The following NOS1 variants were observed in gnomAD, a reference collection of about 807,000 sequenced individuals.
NOS1 encodes nitric oxide synthase 1.
A neutral mutation model predicts 164.5 loss-of-function variants in NOS1; 51 were observed. The observed-to-expected ratio is 0.31, with a 90% confidence interval of 0.25 to 0.39. The LOEUF (loss-of-function observed/expected upper bound fraction) is 0.39, where lower values mean the gene tolerates loss of function less well. Among genes scored for constraint, NOS1 ranks in the 10% least tolerant of loss-of-function variants. The pLI is 1.00. For synonymous variants in NOS1, 719 were observed against 745.8 expected (o/e 0.96, Z 0.59); for missense variants, 1,362 against 1,885.6 (o/e 0.72, Z 5.14).
chr12:117,222,347 C>T (rs1956720690), intron 26 of NOS1, among the ~76,000 whole-genome samples: 1 of 152,168 alleles, frequency 6.6e-6, no homozygotes, highest in Non-Finnish European at 1.5e-5. Context: ...TCTCTGCCTC[C>T]TGGGTTCAAG....
chr12:117,260,652 G>A (rs1871830246), intron 13 of NOS1, 43 bp from the exon 14 acceptor site: 2 of 1,593,474 alleles, frequency 1.3e-6, no homozygotes, highest in Middle Eastern at 1.7e-4. Context: ...CAACAGAAAA[G>A]GGGAGAGAAG....
intron 9 of NOS1, among the ~76,000 whole-genome samples, chr12:117,276,406 C>T (rs1318033709): frequency 6.6e-6 from 1 of 152,136 alleles, no homozygotes; most frequent in Non-Finnish European, 1.5e-5. Flanking sequence ...CCTCAGCATC[C>T]CAAGTAGCTG....
chr12:117,224,780 AT>A (rs1868504733), intron 25 of NOS1, among the ~76,000 whole-genome samples: 1 of 152,224 alleles, frequency 6.6e-6, no homozygotes, highest in African/African-American at 2.4e-5. Context: ...AAGAGATCAC[AT>A]CTTAACAGTC....
At position 117,212,502 on chromosome 12, in the gene NOS1, T is replaced by TGGGA; in HGVS notation, c.*2803_*2806dup. ...CTCTGCTCTTTCACGACACAAGCTG[T>TGGGA]GGGAACTGGATGCATAGTGATGGCA... is the stretch of plus-strand genomic sequence containing the variant. On this transcript the variant is annotated 3_prime_UTR_variant, in exon 29 of 29. Transcript: ENST00000317775. 1 of 985,416 alleles carries TGGGA rather than the reference T, an allele frequency of 1.0e-6. No individual in the cohort carries two copies. The highest frequency in any genetic ancestry group is 1.2e-6 in the Non-Finnish European group (1 of 829,938). The allele number at this position is 985,416 out of a possible 1,614,324, so 61.0% of individuals were successfully genotyped here.
chr12:117,259,507 G>T (rs1250455632), intron 14 of NOS1, among the ~76,000 whole-genome samples: 1 of 152,076 alleles, frequency 6.6e-6, no homozygotes, highest in African/African-American at 2.4e-5. Flanking sequence ...AGTTAGGCCG[G>T]GAATGATCTG....
rs745334107 is a variant in NOS1, at chr12:117,234,636, C to T, written c.3164G>A (p.Arg1055Gln). The T allele has an allele frequency of 4.3e-5, 70 of 1,614,036 alleles. No individual in the cohort carries two copies. The highest frequency in any genetic ancestry group is 1.6e-4 in the Middle Eastern group (1 of 6,082). Residue 1055 changes from arginine to glutamine, a missense_variant, in exon 21 of 29, where the codon CGG becomes CAG. By Grantham distance (43) the Arg-to-Gln change is conservative. Around this residue, in one of 4 missense-constraint regions of NOS1, gnomAD observed 737 missense variants for 1,030.3 expected, o/e 0.72. Coordinates refer to ENST00000317775, the MANE Select transcript of NOS1 (RefSeq NM_000620.5). The surrounding 1 kb of genome is among the most constrained non-coding windows in gnomAD (Gnocchi z 4.3). Reference sequence around the variant, plus strand: ...GTTGACAGGCGGCGCGTCCTCCAGCCGCTCGATCAGGGCATTCACGAGGTC... The same window carrying T: ...GTTGACAGGCGGCGCGTCCTCCAGCTGCTCGATCAGGGCATTCACGAGGTC... ...HEDLVNALIE[R>Q]LEDAPPVNQM...
chr12:117,296,949 C>A (rs939857695), intron 3 of NOS1, among the ~76,000 whole-genome samples: 1 of 152,190 alleles, frequency 6.6e-6, no homozygotes, highest in Non-Finnish European at 1.5e-5. Flanking sequence ...CATGCTGGCA[C>A]CATGATCTTG....
intron 17 of NOS1, among the ~76,000 whole-genome samples, chr12:117,250,844 T>C (rs777036521): frequency 2.2e-4 from 33 of 152,042 alleles, no homozygotes; most frequent in Admixed American, 3.9e-4. Context: ...CTGGTTAAGG[T>C]GTTGTTTCCT....
At chr12:117,248,582 A>C (rs1870841071) in intron 17 of NOS1, among the ~76,000 whole-genome samples, 2 of 151,226 alleles carry the variant, frequency 1.3e-5, no homozygotes, top group African/African-American at 2.4e-5. Flanking sequence ...ACATTTTCTT[A>C]ATCCAGTCTA....
chr12:117,265,435 A>C lies in NOS1; in HGVS notation c.2017T>G (p.Cys673Gly). The C allele has an allele frequency of 6.3e-7, 1 of 1,591,402 alleles. No individual in the cohort carries two copies. ...CAGTCGGCAGGGCAGCCCCCCCGGC[A>C]GCGGTACTCATTCTCCATGTGCTTA... is the stretch of plus-strand genomic sequence containing the variant. ...FIKHMENEYRCRGGCPADWVW... is the reference protein window; with the variant it reads ...FIKHMENEYRGRGGCPADWVW... Residue 673 changes from cysteine (C) to glycine (G), a missense_variant, in exon 12 of 29, where the codon TGC becomes GGC. Cys to Gly is a radical substitution (Grantham distance 159). Around this residue, in one of 4 missense-constraint regions of NOS1, gnomAD observed 737 missense variants for 1,030.3 expected, o/e 0.72. Transcript: ENST00000317775.
At chr12:117,215,577 T>C (rs1956594019) in intron 28 of NOS1, among the ~76,000 whole-genome samples, 1 of 151,810 alleles carries the variant, frequency 6.6e-6, no homozygotes, top group South Asian at 2.1e-4. Context: ...GGATTACAGG[T>C]GCCTGCCACC....
intron 15 of NOS1, 31 bp from the exon 16 acceptor site, chr12:117,258,486 C>T: frequency 6.2e-7 from 1 of 1,610,498 alleles, no homozygotes; most frequent in Non-Finnish European, 8.5e-7. Flanking sequence ...GTGAAATTAG[C>T]ACATCTTAGT....
chr12:117,285,382 C>A (rs746361942), intron 6 of NOS1, 50 bp from the exon 7 acceptor site: 56 of 1,285,392 alleles, frequency 4.4e-5, no homozygotes, highest in South Asian at 2.3e-4. Flanking sequence ...CCCTCCCCAG[C>A]TCCCCCAGCG....
Position 117,210,041 on chromosome 12 carries a change from T to C in NOS1, c.*5268A>G. On this transcript the variant is annotated 3_prime_UTR_variant, in exon 29 of 29. Coordinates refer to ENST00000317775, the MANE Select transcript of NOS1 (RefSeq NM_000620.5). Reference sequence around the variant, plus strand: ...AGGCTGGAGTGCAGTGGTGCGATCCTAGCTCACTGTCGCCTCAAACTCCTG... The same window carrying C: ...AGGCTGGAGTGCAGTGGTGCGATCCCAGCTCACTGTCGCCTCAAACTCCTG... 1 of 928,680 alleles carries C rather than the reference T, an allele frequency of 1.1e-6. No homozygotes were observed. The highest frequency in any genetic ancestry group is 1.3e-6 in the Non-Finnish European group (1 of 778,256). 57.5% of individuals were successfully genotyped at this position (928,680 alleles called of 1,614,324 possible).
At position 117,234,122 on chromosome 12, in the gene NOS1, G is replaced by A. The variant is rs902524695; in HGVS notation, c.3235+443C>T. ...AACTTGACCTAATGAGGTAAAAAAC[G>A]TGGGCTCAATCCCTAGTTGGCCATC... On this transcript the variant is annotated intron_variant, in intron 21 of 28. Transcript: ENST00000317775. The surrounding 1 kb of genome is among the most constrained non-coding windows in gnomAD (Gnocchi z 4.3). Among the ~76,000 whole-genome samples the A allele has an allele frequency of 6.6e-6, 1 of 152,170 alleles. No individual in the cohort carries two copies. Among genetic ancestry groups the A allele is most frequent in the African/African-American group, 2.4e-5 (1 of 41,442 alleles).
At position 117,277,291 on chromosome 12, in the gene NOS1, A is replaced by G. The variant is rs545658400; in HGVS notation, c.1664+668T>C. 8.6e-5 allele frequency among the ~76,000 whole-genome samples: 13 copies of G among 152,004 alleles called. 1 individual carries two copies. The South Asian group carries it at 2.5e-3, about 29-fold the overall frequency. On this transcript the variant is annotated intron_variant, in intron 9 of 28. Transcript: ENST00000317775. The stretch of plus-strand genomic sequence containing the variant: ...TATAGAGTTTTAAACAGTTCTCTCA[A>G]TTGAAAATGTGGGTCAGGTACAGTG...
chr12:117,213,699 T>C lies in NOS1; in HGVS notation c.*1610A>G. On this transcript the variant is annotated 3_prime_UTR_variant, in exon 29 of 29. Coordinates refer to ENST00000317775, the MANE Select transcript of NOS1 (RefSeq NM_000620.5). ...ACAGTATATAAAAGAAATGTGGTTTTTCTGTATAGCAAGACACAACAAACA... is the reference window on the plus strand; with the variant it reads ...ACAGTATATAAAAGAAATGTGGTTTCTCTGTATAGCAAGACACAACAAACA... The C allele has an allele frequency of 5.1e-6, 5 of 985,426 alleles. No individual in the cohort carries two copies. Among genetic ancestry groups the C allele is most frequent in the Non-Finnish European group, 6.0e-6 (5 of 829,942 alleles). The allele number at this position is 985,426 out of a possible 1,614,324, so 61.0% of individuals were successfully genotyped here. A position where few individuals can be genotyped will look rare whatever the true frequency, so the allele number is the denominator to read the frequency against.
rs41445448 is a variant in NOS1, at chr12:117,268,797, C to A, written c.1840-653G>T. ...TATTTTTAGTAGAGAGGGGGTTTCA[C>A]CGTGTTAGCCAGGATGGTCTCGATC... On this transcript the variant is annotated intron_variant, in intron 10 of 28. Coordinates refer to ENST00000317775, the MANE Select transcript of NOS1 (RefSeq NM_000620.5). Among the ~76,000 whole-genome samples the A allele has an allele frequency of 2.2e-3, 324 of 149,698 alleles. 1 individual carries two copies. The highest frequency in any genetic ancestry group is 7.6e-3 in the African/African-American group (307 of 40,624).
rs1875506393 is a variant in NOS1 at position 117,330,793 on chromosome 12, C to T, written c.277G>A (p.Val93Met). 6.2e-7 allele frequency: 1 copy of T among 1,614,056 alleles called. No individual in the cohort carries two copies. The change falls in exon 2 of 29, where the codon GTG (valine) becomes ATG (methionine). Residue 93 changes from valine (V) to methionine (M), a missense_variant. Val to Met is a conservative substitution (Grantham distance 21). Around this residue, in one of 4 missense-constraint regions of NOS1, gnomAD observed 362 missense variants for 402.0 expected, o/e 0.90. Transcript: ENST00000317775. This position sits in a 1 kb window ranked among gnomAD's most constrained non-coding sequence, Gnocchi z 4.6. ...VLRGIASETH[V>M]VLILRGPEGF... ...TCAGGGCCCCTCAGAATGAGGACCA[C>T]GTGGGTCTCAGAGGCAATGCCTCTG... is the stretch of plus-strand genomic sequence containing the variant.
Sources: gnomAD v4.1 joint callset for allele counts (sites outside exome capture counted in the v4.1 genomes callset) on GRCh38, gnomAD v4.1.1 for gene constraint, gnomAD v4.1.1 regional missense constraint, Gnocchi (gnomAD v3.1) non-coding constraint, MANE v1.5 for transcripts, NCBI Gene and HGNC (gene_info 2026-07-23, HGNC 2026-07-21) for gene names.